The following PCNX1 variants were observed in gnomAD, a reference collection of about 807,000 sequenced individuals.
PCNX1 encodes pecanex-like protein 1.
In PCNX1, 78 loss-of-function variants were observed where a neutral mutation model predicts 242.2. The ratio of observed to expected loss-of-function variants is 0.32; its 90% confidence interval spans 0.27 to 0.39. The LOEUF (loss-of-function observed/expected upper bound fraction) is 0.39, where lower values mean the gene tolerates loss of function less well. PCNX1 is among the 10% of genes least tolerant of loss of function. The pLI, the probability that PCNX1 is intolerant of heterozygous loss-of-function variation, is 1.00. For missense variants in PCNX1, 2,581 were observed against 2,856.5 expected (o/e 0.90, Z 2.20); for synonymous variants, 1,024 against 1,032.9 (o/e 0.99, Z 0.17).
intron 2 of PCNX1, among the ~76,000 whole-genome samples, chr14:70,955,673 A>G (rs1026126851): frequency 1.2e-4 from 18 of 152,192 alleles, no homozygotes; most frequent in African/African-American, 3.4e-4. Flanking sequence ...TGAGAATTAT[A>G]AACTACTATG....
intron 30 of PCNX1, among the ~76,000 whole-genome samples, chr14:71,096,585 C>T (rs1469449020): frequency 6.6e-6 from 1 of 152,104 alleles, no homozygotes; most frequent in Non-Finnish European, 1.5e-5. Flanking sequence ...CCTAATAGAA[C>T]TATTTTCTAA....
chr14:71,036,625 A>G (rs983056993), intron 19 of PCNX1, among the ~76,000 whole-genome samples: 3 of 152,196 alleles, frequency 2.0e-5, no homozygotes, highest in Non-Finnish European at 4.4e-5. Context: ...TATCTTGTCT[A>G]TCTATGTAAG....
At chr14:70,910,218 C>A (rs1334782093) in intron 1 of PCNX1, among the ~76,000 whole-genome samples, 1 of 69,440 alleles carries the variant, frequency 1.4e-5, no homozygotes, top group Non-Finnish European at 3.3e-5. Context: ...TCCTCCTCCT[C>A]CTCCTCCTCC....
chr14:70,935,407 A>C (rs140634338), intron 1 of PCNX1, among the ~76,000 whole-genome samples: 1 of 152,194 alleles, frequency 6.6e-6, no homozygotes, highest in African/African-American at 2.4e-5. Flanking sequence ...TTCTACACTT[A>C]ATATGTACAT....
intron 13 of PCNX1, among the ~76,000 whole-genome samples, chr14:71,025,784 A>G (rs1181787777): frequency 6.6e-6 from 1 of 151,846 alleles, no homozygotes; most frequent in Admixed American, 6.6e-5. Flanking sequence ...CAGGAGGATC[A>G]CTTGAGCTCA....
In PCNX1 at chr14:71,045,281, G is replaced by A. The variant is rs201817854; in HGVS notation, c.4016G>A (p.Arg1339Gln). The change falls in exon 20 of 36, where the codon CGA (arginine) becomes CAA (glutamine). Residue 1339 changes from arginine to glutamine, a missense_variant and splice_region_variant. Arg to Gln is a conservative substitution (Grantham distance 43). This residue lies in a region of PCNX1 where 432 missense variants were observed against 443.1 expected (regional missense o/e 0.97). Transcript: ENST00000304743. The part of the protein sequence containing the change: ...KTLEYNQYEV[R>Q]NAATMMWFEK... ...CTAGAGTATAATCAGTATGAAGTTC[G>A]AAGTAAGTATTTCATTAGCACTTTT... 6.8e-5 allele frequency: 109 copies of A among 1,596,746 alleles called. No homozygotes were observed. The highest frequency in any genetic ancestry group is 8.4e-5 in the Non-Finnish European group (99 of 1,173,038).
intron 6 of PCNX1, among the ~76,000 whole-genome samples, chr14:70,980,169 A>T (rs888935043): frequency 6.6e-6 from 1 of 152,126 alleles, no homozygotes; most frequent in African/African-American, 2.4e-5. Context: ...ATACTGAAAA[A>T]ATGTGTACAA....
At chr14:71,088,286 C>A in intron 28 of PCNX1, 44 bp from the exon 29 acceptor site, 1 of 1,117,188 alleles carries the variant, frequency 9.0e-7, no homozygotes, top group Non-Finnish European at 1.4e-6. Flanking sequence ...TTGTTAAATA[C>A]TTACATACCT....
intron 1 of PCNX1, among the ~76,000 whole-genome samples, chr14:70,941,394 C>T (rs564525980): frequency 1.6e-4 from 24 of 152,312 alleles, no homozygotes; most frequent in African/African-American, 5.3e-4. Flanking sequence ...GCTGGAGGTC[C>T]ACTCCAGACC....
At chr14:71,102,910 A>G (rs1171635086) in intron 31 of PCNX1, among the ~76,000 whole-genome samples, 2 of 152,224 alleles carry the variant, frequency 1.3e-5, no homozygotes, top group East Asian at 3.8e-4. Flanking sequence ...ATCAGAAGTT[A>G]AATAGTTCAT....
chr14:70,988,915 G>T (rs749321176), intron 7 of PCNX1, among the ~76,000 whole-genome samples: 8 of 151,828 alleles, frequency 5.3e-5, no homozygotes, highest in Non-Finnish European at 1.2e-4. Context: ...AAAATGATCA[G>T]ATTGGTTTAG....
At chr14:70,943,448 G>A (rs970560786) in intron 1 of PCNX1, among the ~76,000 whole-genome samples, 6 of 152,168 alleles carry the variant, frequency 3.9e-5, no homozygotes, top group African/African-American at 9.7e-5. Context: ...AGAGACTGGC[G>A]GCATTTTGCT....
At chr14:70,958,676 T>C (rs1013678474) in intron 2 of PCNX1, among the ~76,000 whole-genome samples, 10 of 152,194 alleles carry the variant, frequency 6.6e-5, no homozygotes, top group African/African-American at 1.7e-4. Context: ...GTAGCAGATA[T>C]AGAGAAATTT....
chr14:70,921,394 T>C (rs2056368357), intron 1 of PCNX1, among the ~76,000 whole-genome samples: 1 of 152,112 alleles, frequency 6.6e-6, no homozygotes, highest in Admixed American at 6.5e-5. Context: ...AGTCCTCCCA[T>C]CTGAGTCTCC....
chr14:71,111,623 G>A lies in PCNX1; in HGVS notation c.*1688G>A, dbSNP rs2062754742. 6.6e-6 allele frequency: 1 copy of A among 151,618 alleles called. No individual in the cohort carries two copies. The allele number at this position is 151,618 out of a possible 1,614,324, so 9.4% of individuals were successfully genotyped here. On this transcript the variant is annotated 3_prime_UTR_variant, in exon 36 of 36. Transcript: ENST00000304743. ...ATTCTGATGTAGATCTCACATTATAGCATAACATTACAGTAGAAGGAATGA... is the reference window on the plus strand; with the variant it reads ...ATTCTGATGTAGATCTCACATTATAACATAACATTACAGTAGAAGGAATGA...
intron 20 of PCNX1, among the ~76,000 whole-genome samples, chr14:71,046,241 T>TA (rs1405434481): frequency 6.6e-6 from 1 of 152,136 alleles, no homozygotes; most frequent in African/African-American, 2.4e-5. Context: ...GGTGAACTAT[T>TA]ACTGCTTTCA....
intron 4 of PCNX1, 29 bp downstream of exon 4, chr14:70,968,272 C>G: frequency 6.5e-7 from 1 of 1,528,900 alleles, no homozygotes; most frequent in Non-Finnish European, 9.1e-7. Flanking sequence ...AAAAGTTGCA[C>G]CTGCCTTTCC....
intron 3 of PCNX1, among the ~76,000 whole-genome samples, chr14:70,967,687 A>G (rs965996659): frequency 6.6e-6 from 1 of 152,176 alleles, no homozygotes; most frequent in African/African-American, 2.4e-5. Context: ...AGAAGTACTT[A>G]CTTTTGTCTC....
intron 28 of PCNX1, among the ~76,000 whole-genome samples, chr14:71,088,015 G>C (rs1222387820): frequency 6.6e-6 from 1 of 151,798 alleles, no homozygotes; most frequent in East Asian, 1.9e-4. Context: ...GTATTTTCAA[G>C]AGAGGGTAAT....
Sources: allele counts gnomAD v4.1 joint callset (sites outside exome capture counted in the v4.1 genomes callset), GRCh38; gene constraint gnomAD v4.1.1; regional missense constraint gnomAD v4.1.1; transcripts MANE v1.5; gene names NCBI Gene and HGNC (gene_info 2026-07-23, HGNC 2026-07-21).